The following CLNK variants were observed in gnomAD, a reference collection of about 807,000 sequenced individuals.
The protein encoded by CLNK is cytokine-dependent hematopoietic cell linker.
In CLNK, 74 loss-of-function variants were observed where a neutral mutation model predicts 68.6. That is an observed-to-expected ratio of 1.08 (90% confidence interval 0.89 to 1.31). The LOEUF (loss-of-function observed/expected upper bound fraction) is 1.31. Ranked by LOEUF, CLNK falls within the 50% of genes most tolerant of loss-of-function variation. The pLI, the probability that CLNK is intolerant of heterozygous loss-of-function variation, is 0.00. For missense variants in CLNK, 553 were observed against 515.3 expected (o/e 1.07, Z -0.71); for synonymous variants, 198 against 172.2 (o/e 1.15, Z -1.17).
chr4:10,699,698 G>A, the CLNK span, among the ~76,000 whole-genome samples: 1 of 150,800 alleles, frequency 6.6e-6, no homozygotes, highest in Non-Finnish European at 1.5e-5. Context: ...TTTTTTAGTA[G>A]AGATAGGGTT....
At chr4:10,598,445 G>C (rs1413064305) in intron 2 of CLNK, among the ~76,000 whole-genome samples, 1 of 152,188 alleles carries the variant, frequency 6.6e-6, no homozygotes, top group Non-Finnish European at 1.5e-5. Flanking sequence ...AGGCTGTTAA[G>C]AAATTTGAGG....
chr4:10,580,372 T>C (rs1474657130), intron 4 of CLNK, among the ~76,000 whole-genome samples: 1 of 152,224 alleles, frequency 6.6e-6, no homozygotes, highest in Non-Finnish European at 1.5e-5. Context: ...ATCATACTTT[T>C]TATTGTTATT....
At chr4:10,557,063 G>A (rs112309428) in intron 8 of CLNK, among the ~76,000 whole-genome samples, 22,780 of 148,474 alleles carry the variant, frequency 0.15, 1,792 homozygotes, top group African/African-American at 0.18. Context: ...GCAACAGAGC[G>A]AGACTCTGTC....
At chr4:10,569,181 G>T (rs565267981) in intron 5 of CLNK, among the ~76,000 whole-genome samples, 1 of 145,400 alleles carries the variant, frequency 6.9e-6, no homozygotes, top group East Asian at 2.0e-4. Context: ...AATTGGCCAA[G>T]ACTGCCCTTT....
the CLNK span, among the ~76,000 whole-genome samples, chr4:10,731,903 A>G: frequency 3.7e-3 from 556 of 152,308 alleles, 9 homozygotes; most frequent in South Asian, 0.046. Flanking sequence ...GTTTGTTCCT[A>G]AAGGATTAGC....
At position 10,585,001 on chromosome 4, in the gene CLNK, C is replaced by T. The variant is rs554675475; in HGVS notation, c.84-46G>A. 91 of 1,603,910 alleles carry T rather than the reference C, an allele frequency of 5.7e-5. No homozygotes were observed. In the South Asian group the frequency reaches 8.8e-4, roughly 16 times the overall value. Reference sequence around the variant, plus strand: ...AAGTTAAATGTCCATTGCTCCACCTCCACCGACCCCCCGCCACATAGGAAC... The same window carrying T: ...AAGTTAAATGTCCATTGCTCCACCTTCACCGACCCCCCGCCACATAGGAAC... On this transcript the variant is annotated intron_variant, in intron 3 of 18. Coordinates refer to ENST00000226951, the MANE Select transcript of CLNK (RefSeq NM_052964.4).
intron 7 of CLNK, among the ~76,000 whole-genome samples, chr4:10,563,898 C>T (rs774809090): frequency 1.3e-5 from 2 of 151,916 alleles, no homozygotes; most frequent in Admixed American, 6.6e-5. Context: ...CAGAGCAAAA[C>T]TCCATCTCAA....
At chr4:10,580,304 A>C (rs751114011) in intron 4 of CLNK, among the ~76,000 whole-genome samples, 2 of 152,254 alleles carry the variant, frequency 1.3e-5, no homozygotes, top group Non-Finnish European at 2.9e-5. Context: ...AATTATGTAC[A>C]GTACATAATA....
the CLNK span, among the ~76,000 whole-genome samples, chr4:10,729,408 A>G: frequency 6.6e-6 from 1 of 152,224 alleles, no homozygotes; most frequent in Non-Finnish European, 1.5e-5. Flanking sequence ...TAATCCCACT[A>G]CTGAGTATCT....
chr4:10,579,617 G>A (rs961345636), intron 4 of CLNK, among the ~76,000 whole-genome samples: 3 of 152,152 alleles, frequency 2.0e-5, no homozygotes, highest in Non-Finnish European at 2.9e-5. Context: ...TTCTTTTAAA[G>A]CAGCTCCAGA....
At chr4:10,690,578 A>G in the CLNK span, among the ~76,000 whole-genome samples, 3 of 152,342 alleles carry the variant, frequency 2.0e-5, no homozygotes, top group South Asian at 6.2e-4. Context: ...CTGAGCTCAC[A>G]CTACTTTTCC....
chr4:10,607,141 G>A (rs1266602341), intron 2 of CLNK, among the ~76,000 whole-genome samples: 1 of 152,186 alleles, frequency 6.6e-6, no homozygotes, highest in African/African-American at 2.4e-5. Context: ...GCAACACTGG[G>A]TGTCTGAGGA....
At chr4:10,596,674 G>GTT (rs11317906) in intron 3 of CLNK, among the ~76,000 whole-genome samples, 1 of 151,310 alleles carries the variant, frequency 6.6e-6, no homozygotes, top group East Asian at 1.9e-4. Context: ...GTATGTCTAT[G>GTT]TTTTTTTTTA....
intron 16 of CLNK, among the ~76,000 whole-genome samples, chr4:10,512,387 C>A (rs573950841): frequency 6.6e-6 from 1 of 152,040 alleles, no homozygotes; most frequent in African/African-American, 2.4e-5. Context: ...TGTGCCACCA[C>A]GCCTGGCTAA....
At chr4:10,639,137 C>T (rs555356164) in intron 2 of CLNK, among the ~76,000 whole-genome samples, 6 of 152,128 alleles carry the variant, frequency 3.9e-5, no homozygotes, top group East Asian at 1.9e-4. Flanking sequence ...CTTTACCTGG[C>T]GAGTTAGAGA....
upstream of CLNK, among the ~76,000 whole-genome samples, chr4:10,689,615 C>A (rs1577223042): frequency 6.6e-6 from 1 of 152,110 alleles, no homozygotes; most frequent in Non-Finnish European, 1.5e-5. Flanking sequence ...TAGCACCTTG[C>A]AACTTACACA....
chr4:10,667,327 C>CT (rs950394786), intron 2 of CLNK, among the ~76,000 whole-genome samples: 139 of 145,808 alleles, frequency 9.5e-4, no homozygotes, highest in African/African-American at 3.0e-3. Context: ...ATTTCAAAGT[C>CT]TTTTTTTTTC....
intron 17 of CLNK, among the ~76,000 whole-genome samples, chr4:10,503,417 A>G (rs1717140406): frequency 6.6e-6 from 1 of 151,404 alleles, no homozygotes; most frequent in Admixed American, 6.6e-5. Context: ...AGCCGAGATC[A>G]TGCCACTGCA....
chr4:10,520,691 G>A (rs886092868), intron 15 of CLNK, 100 bp downstream of exon 15: 2 of 806,678 alleles, frequency 2.5e-6, no homozygotes, highest in Non-Finnish European at 4.3e-6. Flanking sequence ...GTACACATCA[G>A]CTCAGTGGCT....
Sources: allele counts gnomAD v4.1 joint callset (sites outside exome capture counted in the v4.1 genomes callset), GRCh38; gene constraint gnomAD v4.1.1; transcripts MANE v1.5; gene names NCBI Gene and HGNC (gene_info 2026-07-23, HGNC 2026-07-21).